The following ZNF140 variants were observed in gnomAD, a reference collection of about 807,000 sequenced individuals.
ZNF140 encodes the protein zinc finger protein 140 (clone pHZ-39).
A neutral mutation model predicts 12.9 loss-of-function variants in ZNF140; 13 were observed. The ratio of observed to expected loss-of-function variants is 1.01; its 90% CI spans 0.66 to 1.60. ZNF140 has a LOEUF of 1.60. Ranked by LOEUF, ZNF140 falls within the 40% of genes most tolerant of loss-of-function variation. The pLI is 0.00. For missense variants in ZNF140, 531 were observed against 548.8 expected (o/e 0.97, Z 0.32); for synonymous variants, 214 against 186.7 (o/e 1.15, Z -1.19).
At chr12:133,090,184 G>C (rs1954809328) in intron 4 of ZNF140, among the ~76,000 whole-genome samples, 1 of 152,028 alleles carries the variant, frequency 6.6e-6, no homozygotes, top group South Asian at 2.1e-4. Context: ...CTGTCACCTA[G>C]GCTGGAATGC....
At position 133,105,546 on chromosome 12, in the gene ZNF140, C is replaced by CA; in HGVS notation, c.275dup (p.Asn92LysfsTer5). On this transcript the variant is annotated frameshift_variant, in exon 5 of 5. Transcript: ENST00000355557. LOFTEE classifies it low-confidence loss of function (END_TRUNC). ...AGTGGTGAGATCAAAGACTTTTCAC[C>CA]AAAAAATGTCATTTATGATGACTCA... The CA allele has an allele frequency of 6.2e-7, 1 of 1,609,398 alleles. No individual in the cohort carries two copies. The highest frequency in any genetic ancestry group is 1.3e-5 in the African/African-American group (1 of 74,656).
chr12:133,086,314 A>C (rs1313695334), intron 4 of ZNF140, among the ~76,000 whole-genome samples: 2 of 152,226 alleles, frequency 1.3e-5, no homozygotes, highest in Non-Finnish European at 2.9e-5. Context: ...ATACTCCCGC[A>C]AACCCAATAA....
At chr12:133,083,332 A>T (rs1207708558) in intron 3 of ZNF140, 103 bp downstream of exon 3, 1 of 1,506,712 alleles carries the variant, frequency 6.6e-7, no homozygotes, top group Non-Finnish European at 8.9e-7. Context: ...GGGTTTCTTA[A>T]AATTAGTTTT....
Position 133,106,799 on chromosome 12 carries a change from GAA to G in ZNF140, c.*156_*157del, listed in dbSNP as rs201813395. 1 of 614,784 alleles carries G rather than the reference GAA, an allele frequency of 1.6e-6. No individual in the cohort carries two copies. Among genetic ancestry groups the G allele is most frequent in the Non-Finnish European group, 2.5e-6 (1 of 406,582 alleles). 38.1% of individuals were successfully genotyped at this position (614,784 alleles called of 1,614,324 possible). ...CCCACACTTTATTCACCACCCTGGA[GAA>G]AAAAAAACCCAGGAATATGTGGAAA... is the stretch of plus-strand genomic sequence containing the variant. On this transcript the variant is annotated 3_prime_UTR_variant, in exon 5 of 5. Coordinates refer to ENST00000355557, the MANE Select transcript of ZNF140 (RefSeq NM_003440.4).
rs368640870 is a variant in ZNF140, at chr12:133,081,348, A to AATATATATATATATATATATATATATAT, written c.9+42_9+43insTATATATATATATATATATATATATATA. The AATATATATATATATATATATATATATAT allele has an allele frequency of 2.3e-4, 72 of 318,774 alleles. 6 individuals are homozygous for AATATATATATATATATATATATATATAT. Among genetic ancestry groups the AATATATATATATATATATATATATATAT allele is most frequent in the African/African-American group, 4.0e-4 (13 of 32,554 alleles). The allele number at this position is 318,774 out of a possible 1,614,324, so 19.7% of individuals were successfully genotyped here. A position where few individuals can be genotyped will look rare whatever the true frequency, so the allele number is the denominator to read the frequency against. On this transcript the variant is annotated intron_variant, in intron 2 of 4. Coordinates refer to ENST00000355557, the MANE Select transcript of ZNF140 (RefSeq NM_003440.4). ...GTCTCAGGTAAGCTAATGATTGATA[A>AATATATATATATATATATATATATATAT]ATATATATATATATATATATATAAA...
intron 4 of ZNF140, among the ~76,000 whole-genome samples, chr12:133,085,148 C>G (rs2137489550): frequency 6.6e-6 from 1 of 152,262 alleles, no homozygotes; most frequent in African/African-American, 2.4e-5. Flanking sequence ...CTTCAGCCCC[C>G]TGAGTAACTG....
In ZNF140 at chr12:133,106,479, T is replaced by G. The variant is rs756172764; in HGVS notation, c.1202T>G (p.Ile401Ser). 2 of 1,614,164 alleles carry G rather than the reference T, an allele frequency of 1.2e-6. No individual in the cohort carries two copies. Among genetic ancestry groups the G allele is most frequent in the Non-Finnish European group, 1.7e-6 (2 of 1,180,004 alleles). ...GCCTTCAGCCGGAGCTTTTCCCTCA[T>G]TCTACATCAGAGAACTCATACTGGA... ...DKAFSRSFSL[I>S]LHQRTHTGEK... The change falls in exon 5 of 5, where the codon ATT becomes AGT. Residue 401 changes from isoleucine (I) to serine (S), a missense_variant. Transcript: ENST00000355557.
At position 133,106,325 on chromosome 12, in the gene ZNF140, A is replaced by G; in HGVS notation, c.1048A>G (p.Ile350Val). 6.2e-7 allele frequency: 1 copy of G among 1,614,200 alleles called. No homozygotes were observed. Among genetic ancestry groups the G allele is most frequent in the Middle Eastern group, 1.6e-4 (1 of 6,062 alleles). The change falls in exon 5 of 5, where the codon ATT becomes GTT. Residue 350 changes from isoleucine (I) to valine (V), a missense_variant. Physicochemically the swap from Ile to Val is conservative, Grantham distance 29. Coordinates refer to ENST00000355557, the MANE Select transcript of ZNF140 (RefSeq NM_003440.4). ...CTCATTCCTTATTAAACATCAGAGA[A>G]TTCATGCTGGAGAAAAGCTCTATGA... ...CHSFLIKHQR[I>V]HAGEKLYECD...
chr12:133,097,161 A>C (rs1251853643), intron 4 of ZNF140, among the ~76,000 whole-genome samples: 1 of 152,124 alleles, frequency 6.6e-6, no homozygotes, highest in Non-Finnish European at 1.5e-5. Flanking sequence ...TAATTTAGCT[A>C]CGTCTCTTTC....
rs781366790 is a variant in ZNF140, at chr12:133,093,346, C to T, written c.232+9785C>T. 2.2e-3 allele frequency: 1,481 copies of T among 674,408 alleles called. 45 individuals carry two copies. Among genetic ancestry groups the T allele is most frequent in the South Asian group, 2.9e-3 (188 of 64,136 alleles). 41.8% of individuals were successfully genotyped at this position (674,408 alleles called of 1,614,324 possible). A position where few individuals can be genotyped will look rare whatever the true frequency, so the allele number is the denominator to read the frequency against. Reference sequence around the variant, plus strand: ...CTGCAGACATAGGGAGACTTACCACCGTTGATACAATCATTAAAGCTGCAA... The same window carrying T: ...CTGCAGACATAGGGAGACTTACCACTGTTGATACAATCATTAAAGCTGCAA... On this transcript the variant is annotated intron_variant, in intron 4 of 4. Transcript: ENST00000355557.
chr12:133,080,520 C>T (rs1593730780), upstream of ZNF140: 1 of 152,214 alleles, frequency 6.6e-6, no homozygotes, highest in African/African-American at 2.4e-5. Context: ...CGCTTGGCCG[C>T]GAGACACTCT....
chr12:133,095,599 A>G (rs1955050745), intron 4 of ZNF140, among the ~76,000 whole-genome samples: 1 of 151,746 alleles, frequency 6.6e-6, no homozygotes. Context: ...GACCGGCATC[A>G]GCATACCAAG....
intron 4 of ZNF140, among the ~76,000 whole-genome samples, chr12:133,087,409 G>C (rs1339964708): frequency 6.6e-6 from 1 of 151,884 alleles, no homozygotes; most frequent in Admixed American, 6.6e-5. Context: ...AGGCAATTGA[G>C]TATCATAGTC....
At chr12:133,090,850 A>G (rs1337744950) in intron 4 of ZNF140, among the ~76,000 whole-genome samples, 7 of 129,900 alleles carry the variant, frequency 5.4e-5, no homozygotes, top group African/African-American at 1.9e-4. Context: ...CTATGCCTAG[A>G]TGTGCATGTA....
rs1283032726 is a variant in ZNF140, at chr12:133,105,826, T to C, written c.549T>C (p.His183=). 46 of 1,614,100 alleles carry C rather than the reference T, an allele frequency of 2.8e-5. 1 individual carries two copies. In the Admixed American group the frequency reaches 7.7e-4, roughly 27 times the overall value. Residue 183 remains histidine (H), a synonymous_variant, in exon 5 of 5, where the codon CAT becomes CAC. Coordinates refer to ENST00000355557, the MANE Select transcript of ZNF140 (RefSeq NM_003440.4). ...CCCTGGTGTTACACCAGAGGACTCA[T>C]ACTGGAGAGAAACCATATGCATGTA... ...RFSLVLHQRT[H]TGEKPYACKE... is the part of the protein sequence containing the mutation.
intron 4 of ZNF140, chr12:133,084,223 A>G (rs1954598890): frequency 2.5e-6 from 1 of 403,110 alleles, no homozygotes; most frequent in Non-Finnish European, 4.7e-6. Flanking sequence ...TATTGCCTGA[A>G]TTCAACCTGA....
At chr12:133,097,137 G>C (rs1175056440) in intron 4 of ZNF140, among the ~76,000 whole-genome samples, 1 of 152,126 alleles carries the variant, frequency 6.6e-6, no homozygotes, top group Non-Finnish European at 1.5e-5. Context: ...TCTGAAGTCT[G>C]CTGTGTCTGA....
At chr12:133,087,178 A>G (rs1359151871) in intron 4 of ZNF140, among the ~76,000 whole-genome samples, 1 of 152,100 alleles carries the variant, frequency 6.6e-6, no homozygotes, top group East Asian at 1.9e-4. Context: ...AGGTAGACAG[A>G]TTGGAAATAA....
chr12:133,097,225 A>G lies in ZNF140; in HGVS notation c.233-8285A>G, dbSNP rs757430414. On this transcript the variant is annotated intron_variant, in intron 4 of 4. Coordinates refer to ENST00000355557, the MANE Select transcript of ZNF140 (RefSeq NM_003440.4). ...TTCTGTACTCACTTATTCTAAATCT[A>G]TATGCATCTTCATATTTAAACTAGG... 7.0e-3 allele frequency among the ~76,000 whole-genome samples: 1,060 copies of G among 152,310 alleles called. 11 individuals are homozygous for G. Among genetic ancestry groups the G allele is most frequent in the Non-Finnish European group, 0.011 (781 of 68,038 alleles).
Sources: gnomAD v4.1 joint callset for allele counts (sites outside exome capture counted in the v4.1 genomes callset) on GRCh38, gnomAD v4.1.1 for gene constraint, MANE v1.5 for transcripts, NCBI Gene and HGNC (gene_info 2026-07-23, HGNC 2026-07-21) for gene names.